The following SLC17A7 variants were observed in gnomAD, a reference collection of about 807,000 sequenced individuals.
SLC17A7 encodes vesicular glutamate transporter 1.
In SLC17A7, 15 loss-of-function variants were observed where a neutral mutation model predicts 59.1. That is an observed-to-expected ratio of 0.25 (90% CI 0.17 to 0.39). The LOEUF (loss-of-function observed/expected upper bound fraction) is 0.39, where lower values mean the gene tolerates loss of function less well. Ranked by LOEUF, SLC17A7 falls within the 10% of genes least tolerant of loss-of-function variation. The pLI is 1.00. For synonymous variants in SLC17A7, 353 were observed against 308.9 expected (o/e 1.14, Z -1.50); for missense variants, 499 against 765.1 (o/e 0.65, Z 4.10).
rs1490086375 is a variant in SLC17A7 at position 49,434,016 on chromosome 19, G to C, written c.668C>G (p.Pro223Arg). The C allele has an allele frequency of 6.2e-7, 1 of 1,613,510 alleles. No homozygotes were observed. The highest frequency in any genetic ancestry group is 8.5e-7 in the Non-Finnish European group (1 of 1,179,912). ...GTACTGCACAAGGACCCCGGCGAGG[G>C]GCATCGCGACCACCGCCCCAGCATA... ...GSYAGAVVAM[P>R]LAGVLVQYSG... Residue 223 changes from proline (P) to arginine (R), a missense_variant, in exon 6 of 12, where the codon CCC (proline) becomes CGC (arginine). Physicochemically the swap from Pro to Arg is moderately radical, Grantham distance 103 (BLOSUM62 -2). Coordinates refer to ENST00000221485, the MANE Select transcript of SLC17A7 (RefSeq NM_020309.4).
chr19:49,441,231 C>A (rs1384486177), intron 1 of SLC17A7, 87 bp downstream of exon 1: 3 of 1,546,614 alleles, frequency 1.9e-6, no homozygotes, highest in Non-Finnish European at 2.6e-6. Flanking sequence ...GGGTATCGCC[C>A]GTTCATCTGT....
Position 49,441,360 on chromosome 19 carries a change from T to G in SLC17A7, c.20A>C (p.Glu7Ala). The G allele has an allele frequency of 6.2e-7, 1 of 1,603,504 alleles. No homozygotes were observed. Among genetic ancestry groups the G allele is most frequent in the South Asian group, 1.1e-5 (1 of 89,916 alleles). The change falls in exon 1 of 12, where the codon GAG (glutamate) becomes GCG (alanine). Residue 7 changes from glutamate (E) to alanine (A), a missense_variant. Glu to Ala is a moderately radical substitution (Grantham distance 107, BLOSUM62 -1). Around this residue, in one of 3 missense-constraint regions of SLC17A7, gnomAD observed 78 missense variants for 80.4 expected, o/e 0.97. Transcript: ENST00000221485. MEFRQE[E>A]FRKLAGRALG... is the part of the protein sequence containing the mutation. ...AGCACGACCCGCTAGCTTCCGAAAC[T>G]CCTCCTGGCGGAACTCCATGGTGGC...
chr19:49,436,707 C>T lies in SLC17A7; in HGVS notation c.157G>A (p.Asp53Asn), dbSNP rs1272219662. 3.7e-6 allele frequency: 6 copies of T among 1,613,388 alleles called. No homozygotes were observed. Among genetic ancestry groups the T allele is most frequent in the Non-Finnish European group, 5.1e-6 (6 of 1,179,960 alleles). ...TTQTRDPPVV[D>N]CTCFGLPRRY... ...CGAGGGAGGCCGAAGCAGGTGCAGTCCACCACCGGCGGGTCCCGGGTCTGC... is the reference window on the plus strand; with the variant it reads ...CGAGGGAGGCCGAAGCAGGTGCAGTTCACCACCGGCGGGTCCCGGGTCTGC... Residue 53 changes from aspartate (D) to asparagine (N), a missense_variant, in exon 2 of 12, where the codon GAC becomes AAC. By Grantham distance (23) the Asp-to-Asn change is conservative. Around this residue, in one of 3 missense-constraint regions of SLC17A7, gnomAD observed 78 missense variants for 80.4 expected, o/e 0.97. Transcript: ENST00000221485. This position sits in a 1 kb window ranked among gnomAD's most constrained non-coding sequence, Gnocchi z 4.1.
At chr19:49,439,807 G>A (rs1293994704) in intron 1 of SLC17A7, among the ~76,000 whole-genome samples, 2 of 152,180 alleles carry the variant, frequency 1.3e-5, no homozygotes, top group East Asian at 1.9e-4. Flanking sequence ...GAGAGTGAGA[G>A]CCAGAGAGAT....
intron 5 of SLC17A7, 94 bp downstream of exon 5, chr19:49,434,508 C>A: frequency 2.6e-6 from 3 of 1,162,596 alleles, no homozygotes; most frequent in South Asian, 1.6e-5. Context: ...CACAGGAGTT[C>A]AGCCCCCCCA....
At chr19:49,435,047 C>T (rs1259459508) in intron 3 of SLC17A7, 121 bp downstream of exon 3, 3 of 1,022,396 alleles carry the variant, frequency 2.9e-6, no homozygotes, top group Admixed American at 1.9e-5. Context: ...TTCTCTAAGA[C>T]CCACCCCCAA....
chr19:49,433,000 G>C, intron 7 of SLC17A7, 40 bp from the exon 8 acceptor site: 1 of 1,575,548 alleles, frequency 6.3e-7, no homozygotes, highest in Non-Finnish European at 8.6e-7. Flanking sequence ...CGGGGAGCGG[G>C]GCTGAGGGCT....
rs2078981016 is a variant in SLC17A7 at position 49,436,699 on chromosome 19, G to C, written c.165C>G (p.Thr55=). 1 of 1,613,644 alleles carries C rather than the reference G, an allele frequency of 6.2e-7. No homozygotes were observed. The highest frequency in any genetic ancestry group is 1.3e-5 in the African/African-American group (1 of 75,020). Residue 55 remains threonine (T), a synonymous_variant, in exon 2 of 12, where the codon ACC becomes ACG. Transcript: ENST00000221485. The surrounding 1 kb of genome is among the most constrained non-coding windows in gnomAD (Gnocchi z 4.1). The stretch of plus-strand genomic sequence containing the variant: ...TGTAGCGGCGAGGGAGGCCGAAGCA[G>C]GTGCAGTCCACCACCGGCGGGTCCC... ...QTRDPPVVDC[T]CFGLPRRYII... is the part of the protein sequence containing the mutation.
In SLC17A7 at chr19:49,433,588, C is replaced by G; in HGVS notation, c.867+138G>C. 1 of 1,302,682 alleles carries G rather than the reference C, an allele frequency of 7.7e-7. No homozygotes were observed. The highest frequency in any genetic ancestry group is 2.5e-5 in the East Asian group (1 of 40,112). The allele number at this position is 1,302,682 out of a possible 1,614,324, so 80.7% of individuals were successfully genotyped here. A position where few individuals can be genotyped will look rare whatever the true frequency, so the allele number is the denominator to read the frequency against. On this transcript the variant is annotated intron_variant, in intron 7 of 11. Transcript: ENST00000221485. The surrounding 1 kb of genome is among the most constrained non-coding windows in gnomAD (Gnocchi z 5.7). ...GTCCTCCGCGGGTTGCAACCCGCCTCCTAGGTTCTAGCCCCTCTCTTTGCG... is the reference window on the plus strand; with the variant it reads ...GTCCTCCGCGGGTTGCAACCCGCCTGCTAGGTTCTAGCCCCTCTCTTTGCG...
chr19:49,434,061 G>T lies in SLC17A7; in HGVS notation c.638-15C>A, dbSNP rs1441606872. Reference sequence around the variant, plus strand: ...AGCATAGGAACCTAAGGGGGAGGATGCGGGGGAGAGAACAGGCCCATCTTC... The same window carrying T: ...AGCATAGGAACCTAAGGGGGAGGATTCGGGGGAGAGAACAGGCCCATCTTC... On this transcript the variant is annotated splice_polypyrimidine_tract_variant and intron_variant, in intron 5 of 11. Coordinates refer to ENST00000221485, the MANE Select transcript of SLC17A7 (RefSeq NM_020309.4). 1.1e-5 allele frequency: 17 copies of T among 1,574,526 alleles called. No individual in the cohort carries two copies. The highest frequency in any genetic ancestry group is 1.5e-5 in the Non-Finnish European group (17 of 1,144,538).
chr19:49,436,283 A>G lies in SLC17A7; in HGVS notation c.315+266T>C. 1 of 529,020 alleles carries G rather than the reference A, an allele frequency of 1.9e-6. No individual in the cohort carries two copies. The allele number at this position is 529,020 out of a possible 1,614,324, so 32.8% of individuals were successfully genotyped here. On this transcript the variant is annotated intron_variant, in intron 2 of 11. Coordinates refer to ENST00000221485, the MANE Select transcript of SLC17A7 (RefSeq NM_020309.4). The surrounding 1 kb of genome is among the most constrained non-coding windows in gnomAD (Gnocchi z 4.1). ...GCAGGGGCAACCCCTAGGGAACCTG[A>G]TGTTGGGGCGGACTCTACATTTTTC...
chr19:49,440,341 G>T (rs188692790), intron 1 of SLC17A7, among the ~76,000 whole-genome samples: 1 of 152,190 alleles, frequency 6.6e-6, no homozygotes, highest in Non-Finnish European at 1.5e-5. Context: ...CATCTCCTTC[G>T]TGCACTGTGG....
rs1283606445 is a variant in SLC17A7, at chr19:49,429,484, C to T, written c.*1035G>A. On this transcript the variant is annotated 3_prime_UTR_variant, in exon 12 of 12. Transcript: ENST00000221485. ...ACAGAGACACAAAGACACAACCCTG[C>T]ACTGGGAAAAAACACCCCTGGCTCC... The T allele has an allele frequency of 2.5e-6, 1 of 399,062 alleles. No individual in the cohort carries two copies. The highest frequency in any genetic ancestry group is 4.4e-6 in the Non-Finnish European group (1 of 226,108). The allele number at this position is 399,062 out of a possible 1,614,324, so 24.7% of individuals were successfully genotyped here.
chr19:49,430,658 T>G lies in SLC17A7; in HGVS notation c.1544A>C (p.Gln515Pro), dbSNP rs928175381. Reference sequence around the variant, plus strand: ...TTCGCTGTCGTCACTGCCAGCCAGCTGGTCATGGCCAACGAAGCCACACTT... The same window carrying G: ...TTCGCTGTCGTCACTGCCAGCCAGCGGGTCATGGCCAACGAAGCCACACTT... ...EEKCGFVGHDQLAGSDDSEME... is the reference protein window; with the variant it reads ...EEKCGFVGHDPLAGSDDSEME... The change falls in exon 12 of 12, where the codon CAG (glutamine) becomes CCG (proline). Residue 515 changes from glutamine (Q) to proline (P), a missense_variant. Transcript: ENST00000221485. The G allele has an allele frequency of 6.2e-7, 1 of 1,614,140 alleles. No individual in the cohort carries two copies. The highest frequency in any genetic ancestry group is 1.3e-5 in the African/African-American group (1 of 75,046).
intron 2 of SLC17A7, 96 bp from the exon 3 acceptor site, chr19:49,435,382 A>G (rs2078976278): frequency 6.3e-6 from 5 of 799,208 alleles, no homozygotes; most frequent in Non-Finnish European, 1.1e-5. Flanking sequence ...ACCTATCAGC[A>G]ACGAGGAACC....
rs1458895052 is a variant in SLC17A7, at chr19:49,431,894, C to T, written c.1151-446G>A. On this transcript the variant is annotated intron_variant, in intron 9 of 11. Coordinates refer to ENST00000221485, the MANE Select transcript of SLC17A7 (RefSeq NM_020309.4). The surrounding 1 kb of genome is among the most constrained non-coding windows in gnomAD (Gnocchi z 4.6). ...GCTCAAGTGATCCACCGGCCTTCGC[C>T]TCCGAAAGTGCTGGGATAACAGGGG... Among the ~76,000 whole-genome samples the T allele has an allele frequency of 6.6e-6, 1 of 152,120 alleles. No individual in the cohort carries two copies. Among genetic ancestry groups the T allele is most frequent in the East Asian group, 1.9e-4 (1 of 5,190 alleles).
At chr19:49,435,059 TC>T in intron 3 of SLC17A7, 108 bp downstream of exon 3, 1 of 1,027,438 alleles carries the variant, frequency 9.7e-7, no homozygotes, top group Non-Finnish European at 1.5e-6. Flanking sequence ...CACCCCCAAA[TC>T]CAGGCTTCTC....
Position 49,436,588 on chromosome 19 carries a change from A to G in SLC17A7, c.276T>C (p.Asn92=). Reference sequence around the variant, plus strand: ...GGCCCCCGCGGTGGGTCGTGCTGTTATTGACCATGGAGACGATGGCCACGC... The same window carrying G: ...GGCCCCCGCGGTGGGTCGTGCTGTTGTTGACCATGGAGACGATGGCCACGC... ...NLGVAIVSMV[N]NSTTHRGGHV... The change falls in exon 2 of 12, where the codon AAT becomes AAC. Residue 92 remains asparagine, a synonymous_variant. Coordinates refer to ENST00000221485, the MANE Select transcript of SLC17A7 (RefSeq NM_020309.4). The surrounding 1 kb of genome is among the most constrained non-coding windows in gnomAD (Gnocchi z 4.1). 4.3e-6 allele frequency: 7 copies of G among 1,613,860 alleles called. No homozygotes were observed. Among genetic ancestry groups the G allele is most frequent in the Non-Finnish European group, 5.9e-6 (7 of 1,179,962 alleles).
chr19:49,441,375 T>C lies in SLC17A7; in HGVS notation c.5A>G (p.Glu2Gly). Residue 2 changes from glutamate (E) to glycine (G), a missense_variant, in exon 1 of 12, where the codon GAG becomes GGG. Glu to Gly is a moderately conservative substitution (Grantham distance 98). Transcript: ENST00000221485. ...CTTCCGAAACTCCTCCTGGCGGAAC[T>C]CCATGGTGGCGGCTCCTGCCGCCGG... is the stretch of plus-strand genomic sequence containing the variant. M[E>G]FRQEEFRKLA... The C allele has an allele frequency of 6.3e-7, 1 of 1,584,082 alleles. No individual in the cohort carries two copies. Among genetic ancestry groups the C allele is most frequent in the Non-Finnish European group, 8.5e-7 (1 of 1,169,636 alleles).
Sources: gnomAD v4.1 joint callset for allele counts (sites outside exome capture counted in the v4.1 genomes callset) on GRCh38, gnomAD v4.1.1 for gene constraint, gnomAD v4.1.1 regional missense constraint, Gnocchi (gnomAD v3.1) non-coding constraint, MANE v1.5 for transcripts, NCBI Gene and HGNC (gene_info 2026-07-23, HGNC 2026-07-21) for gene names.